The following OSBP2 variants were observed in gnomAD, a reference collection of about 807,000 sequenced individuals.
The protein encoded by OSBP2 is oxysterol-binding protein 2.
A neutral mutation model predicts 96.0 loss-of-function variants in OSBP2; 66 were observed. That is an observed-to-expected ratio of 0.69 (90% confidence interval 0.56 to 0.84). OSBP2 has a LOEUF of 0.84. OSBP2 is among the 40% of genes least tolerant of loss of function. The probability of loss-of-function intolerance (pLI) is 0.00; values close to 1 mark genes in which losing one functional copy is unlikely to be tolerated. For synonymous variants in OSBP2, 525 were observed against 520.9 expected (o/e 1.01, Z -0.11); for missense variants, 1,038 against 1,222.7 (o/e 0.85, Z 2.25).
At chr22:30,706,971 G>T (rs1434787978) in intron 1 of OSBP2, among the ~76,000 whole-genome samples, 1 of 152,038 alleles carries the variant, frequency 6.6e-6, no homozygotes, top group African/African-American at 2.4e-5. Context: ...CTGGGTATTC[G>T]TCCTTCTCTC....
chr22:30,896,235 G>A (rs554121074), intron 12 of OSBP2, among the ~76,000 whole-genome samples: 5 of 152,156 alleles, frequency 3.3e-5, no homozygotes, highest in African/African-American at 1.2e-4. Context: ...GGCCAAGCTG[G>A]TCTTGAACTC....
chr22:30,709,658 G>A (rs2145683135), intron 1 of OSBP2, among the ~76,000 whole-genome samples: 1 of 151,896 alleles, frequency 6.6e-6, no homozygotes, highest in South Asian at 2.1e-4. Flanking sequence ...TGAGATTACA[G>A]GCATGAGCCA....
At chr22:30,888,590 T>C (rs1186321716) in intron 5 of OSBP2, among the ~76,000 whole-genome samples, 2 of 152,102 alleles carry the variant, frequency 1.3e-5, no homozygotes, top group Non-Finnish European at 1.5e-5. Context: ...TAGCCAGGCA[T>C]GGTAGTGCAG....
intron 2 of OSBP2, among the ~76,000 whole-genome samples, chr22:30,859,916 G>A (rs545383639): frequency 1.3e-5 from 2 of 152,258 alleles, no homozygotes; most frequent in Admixed American, 1.3e-4. Flanking sequence ...CTGGAGCCAG[G>A]ATGCCTGGCC....
At chr22:30,697,370 C>T (rs1419233827) in intron 1 of OSBP2, among the ~76,000 whole-genome samples, 3 of 152,062 alleles carry the variant, frequency 2.0e-5, no homozygotes, top group Non-Finnish European at 4.4e-5. Flanking sequence ...CCTCCGCCTC[C>T]CAGGTTCAAG....
chr22:30,809,943 G>A (rs2145855370), intron 2 of OSBP2, among the ~76,000 whole-genome samples: 1 of 152,306 alleles, frequency 6.6e-6, no homozygotes, highest in East Asian at 1.9e-4. Flanking sequence ...GGGAAAGAAA[G>A]AATGGTCTGG....
chr22:30,782,678 C>T (rs191129286), intron 2 of OSBP2, among the ~76,000 whole-genome samples: 5 of 152,296 alleles, frequency 3.3e-5, no homozygotes, highest in Admixed American at 1.3e-4. Flanking sequence ...TGTGGATGGA[C>T]ATTTGAGTTG....
At chr22:30,768,352 C>G (rs1204264687) in intron 2 of OSBP2, among the ~76,000 whole-genome samples, 2 of 152,042 alleles carry the variant, frequency 1.3e-5, no homozygotes, top group Non-Finnish European at 2.9e-5. Context: ...ATGAAGAGGT[C>G]AGAGCATAAC....
chr22:30,883,135 C>T (rs185280544), intron 3 of OSBP2, among the ~76,000 whole-genome samples: 5 of 152,216 alleles, frequency 3.3e-5, no homozygotes, highest in African/African-American at 7.2e-5. Context: ...TGAGGGAGGG[C>T]GGGGCAGAGG....
chr22:30,734,163 C>T (rs1214536637), intron 1 of OSBP2, among the ~76,000 whole-genome samples: 9 of 152,112 alleles, frequency 5.9e-5, no homozygotes, highest in Admixed American at 2.0e-4. Context: ...TTAGTAGAGA[C>T]GGGGTTTCAC....
chr22:30,722,933 G>A (rs1486179049), intron 1 of OSBP2, among the ~76,000 whole-genome samples: 1 of 151,210 alleles, frequency 6.6e-6, no homozygotes, highest in East Asian at 1.9e-4. Flanking sequence ...ACAGGCGTGT[G>A]CCACCACATC....
Position 30,741,247 on chromosome 22 carries a change from T to C in OSBP2, c.731T>C (p.Leu244Ser), listed in dbSNP as rs1328514185. 1 of 1,614,012 alleles carries C rather than the reference T, an allele frequency of 6.2e-7. No homozygotes were observed. Among genetic ancestry groups the C allele is most frequent in the Non-Finnish European group, 8.5e-7 (1 of 1,180,040 alleles). The change falls in exon 2 of 14, where the codon TTG becomes TCG. Residue 244 changes from leucine to serine, a missense_variant. This residue lies in a region of OSBP2 where 737 missense variants were observed against 913.3 expected (regional missense o/e 0.81). Transcript: ENST00000332585. ...GACACGGAGGACTCTTGTGGTATCTTGCTGACCAGTGGGGCCAGGAGCTAC... is the reference window on the plus strand; with the variant it reads ...GACACGGAGGACTCTTGTGGTATCTCGCTGACCAGTGGGGCCAGGAGCTAC... ...HIDTEDSCGI[L>S]LTSGARSYHL...
chr22:30,841,740 C>T (rs2038757150), intron 2 of OSBP2, among the ~76,000 whole-genome samples: 1 of 152,152 alleles, frequency 6.6e-6, no homozygotes, highest in Non-Finnish European at 1.5e-5. Context: ...GTGGCTCACA[C>T]CTCTCATTGC....
chr22:30,787,628 G>A (rs1301304035), intron 2 of OSBP2, among the ~76,000 whole-genome samples: 3 of 152,062 alleles, frequency 2.0e-5, no homozygotes, highest in African/African-American at 7.2e-5. Flanking sequence ...AGCTGAGATC[G>A]TGCCACTGCA....
chr22:30,711,216 A>G lies in OSBP2; in HGVS notation c.644+15663A>G, dbSNP rs906667587. Among the ~76,000 whole-genome samples, 979 of 151,964 alleles carry G rather than the reference A, an allele frequency of 6.4e-3. 12 individuals carry two copies. Among genetic ancestry groups the G allele is most frequent in the African/African-American group, 0.022 (927 of 41,472 alleles). The stretch of plus-strand genomic sequence containing the variant: ...TAGTGTATAGAGCTAGGAAATATAT[A>G]TATATATATTTATGTGTGTTTGTTT... On this transcript the variant is annotated intron_variant, in intron 1 of 13. Coordinates refer to ENST00000332585, the MANE Select transcript of OSBP2 (RefSeq NM_030758.4).
At chr22:30,769,866 T>G (rs980390292) in intron 2 of OSBP2, among the ~76,000 whole-genome samples, 5 of 152,050 alleles carry the variant, frequency 3.3e-5, no homozygotes, top group African/African-American at 1.2e-4. Flanking sequence ...GTGATATGGT[T>G]TGGCTGTGTC....
upstream of OSBP2, chr22:30,693,868 G>C: frequency 1.8e-6 from 1 of 553,922 alleles, no homozygotes; most frequent in Non-Finnish European, 3.2e-6. Context: ...GGGAGGCCAA[G>C]GCAGGAGAAT....
intron 2 of OSBP2, chr22:30,822,625 C>G (rs1212939968): frequency 1.3e-6 from 2 of 1,531,066 alleles, no homozygotes; most frequent in African/African-American, 2.7e-5. Flanking sequence ...TGCCCCGCCG[C>G]GGGAAATGAA....
At chr22:30,902,123 AACGAAAAAAAAAAAACC>A (rs1569176113) in intron 12 of OSBP2, 1 of 216,536 alleles carries the variant, frequency 4.6e-6, no homozygotes, top group African/African-American at 7.8e-5. Context: ...AAAAAAAAAA[AACGAAAAAAAAAAAACC>A]AAAAAAAAAA....
Sources: gnomAD v4.1 joint callset for allele counts (sites outside exome capture counted in the v4.1 genomes callset) on GRCh38, gnomAD v4.1.1 for gene constraint, gnomAD v4.1.1 regional missense constraint, MANE v1.5 for transcripts, NCBI Gene and HGNC (gene_info 2026-07-23, HGNC 2026-07-21) for gene names.